AASDHPPT: variants seen among roughly 807,000 people sequenced by gnomAD.
The protein encoded by AASDHPPT is L-aminoadipate-semialdehyde dehydrogenase-phosphopantetheinyl transferase.
AASDHPPT carries 23 observed loss-of-function variants against 36.4 expected under a neutral mutation model. The ratio of observed to expected loss-of-function variants is 0.63; its 90% CI spans 0.45 to 0.89. The LOEUF (loss-of-function observed/expected upper bound fraction) is 0.89, where lower values mean the gene tolerates loss of function less well. Among genes scored for constraint, AASDHPPT ranks in the 40% least tolerant of loss-of-function variants. AASDHPPT has a pLI of 0.00. For synonymous variants in AASDHPPT, 115 were observed against 128.0 expected (o/e 0.90, Z 0.68); for missense variants, 377 against 378.2 (o/e 1.00, Z 0.03).
chr11:106,079,693 G>A lies in AASDHPPT; in HGVS notation c.409+1G>A, dbSNP rs1215068158. 6.2e-7 allele frequency: 1 copy of A among 1,613,392 alleles called. No homozygotes were observed. Among genetic ancestry groups the A allele is most frequent in the South Asian group, 1.1e-5 (1 of 91,018 alleles). ...GATATAATGAAGACTAGTTTTCCAGGTAACGTTGCATTTTTCTAGTATGGC... is the reference window on the plus strand; with the variant it reads ...GATATAATGAAGACTAGTTTTCCAGATAACGTTGCATTTTTCTAGTATGGC... On this transcript the variant is annotated splice_donor_variant, in intron 2 of 5. Coordinates refer to ENST00000278618, the MANE Select transcript of AASDHPPT (RefSeq NM_015423.3). LOFTEE classifies it high-confidence loss of function.
In AASDHPPT at chr11:106,090,673, A is replaced by C. The variant is rs1378337078; in HGVS notation, c.526A>C (p.Asn176His). The change falls in exon 3 of 6, where the codon AAT (asparagine) becomes CAT (histidine). Residue 176 changes from asparagine to histidine, a missense_variant. Asn to His is a moderately conservative substitution (Grantham distance 68). Transcript: ENST00000278618. Reference sequence around the variant, plus strand: ...GACTCAGCTGGATATGTTTTATAGGAATTGGGTATAATTCTTTCTAATTTT... The same window carrying C: ...GACTCAGCTGGATATGTTTTATAGGCATTGGGTATAATTCTTTCTAATTTT... ...EWTQLDMFYR[N>H]WALKESFIKA... The C allele has an allele frequency of 1.3e-6, 2 of 1,579,912 alleles. No homozygotes were observed. The highest frequency in any genetic ancestry group is 1.7e-6 in the Non-Finnish European group (2 of 1,166,224).
chr11:106,083,909 T>A (rs932346155), intron 2 of AASDHPPT, among the ~76,000 whole-genome samples: 4 of 152,130 alleles, frequency 2.6e-5, no homozygotes, highest in South Asian at 2.1e-4. Context: ...TATTTAAATT[T>A]AAAAAAATTA....
intron 5 of AASDHPPT, 94 bp downstream of exon 5, chr11:106,094,748 T>A (rs1299719050): frequency 4.4e-6 from 4 of 901,028 alleles, no homozygotes; most frequent in Admixed American, 3.1e-5. Flanking sequence ...CTTATATCAG[T>A]TTAGAGAGAT....
chr11:106,087,048 T>TA (rs1861205438), intron 2 of AASDHPPT, among the ~76,000 whole-genome samples: 1 of 152,212 alleles, frequency 6.6e-6, no homozygotes, highest in Admixed American at 6.5e-5. Context: ...TGTGTGTTAA[T>TA]ACCTATATGT....
intron 2 of AASDHPPT, among the ~76,000 whole-genome samples, chr11:106,083,375 C>G (rs1861163665): frequency 6.6e-6 from 1 of 152,156 alleles, no homozygotes; most frequent in African/African-American, 2.4e-5. Context: ...AGTAAAACTT[C>G]ATATATTTAA....
At position 106,098,332 on chromosome 11, in the gene AASDHPPT, C is replaced by G. The variant is rs941288432; in HGVS notation, c.*1425C>G. 3.3e-5 allele frequency: 5 copies of G among 151,986 alleles called. No individual in the cohort carries two copies. Among genetic ancestry groups the G allele is most frequent in the Non-Finnish European group, 7.4e-5 (5 of 67,974 alleles). 9.4% of individuals were successfully genotyped at this position (151,986 alleles called of 1,614,324 possible). On this transcript the variant is annotated 3_prime_UTR_variant, in exon 6 of 6. Transcript: ENST00000278618. ...AGTAGTACTTAATTTAAAGTGTGAACTTAATATATAAGATGCCAGGACCAT... is the reference window on the plus strand; with the variant it reads ...AGTAGTACTTAATTTAAAGTGTGAAGTTAATATATAAGATGCCAGGACCAT...
intron 1 of AASDHPPT, 22 bp downstream of exon 1, chr11:106,077,915 A>G: frequency 6.2e-7 from 1 of 1,610,306 alleles, no homozygotes. Context: ...CTTTTTTGGT[A>G]TTTAGAGCCT....
chr11:106,086,638 A>C (rs1292861242), intron 2 of AASDHPPT, among the ~76,000 whole-genome samples: 1 of 152,106 alleles, frequency 6.6e-6, no homozygotes, highest in Non-Finnish European at 1.5e-5. Flanking sequence ...TTAACTCTAA[A>C]TCTCATGTAA....
Position 106,079,565 on chromosome 11 carries a change from T to C in AASDHPPT, c.282T>C (p.Leu94=). The C allele has an allele frequency of 6.2e-7, 1 of 1,614,198 alleles. No individual in the cohort carries two copies. The highest frequency in any genetic ancestry group is 8.5e-7 in the Non-Finnish European group (1 of 1,180,024). The change falls in exon 2 of 6, where the codon CTT becomes CTC. Residue 94 remains leucine (L), a synonymous_variant. Transcript: ENST00000278618. The part of the protein sequence containing the change: ...LQRTAKGKPV[L]AKDSSNPYPN... ...GAACTGCAAAAGGAAAACCAGTTCT[T>C]GCAAAGGACTCATCGAATCCTTACC...
intron 4 of AASDHPPT, chr11:106,093,677 A>G (rs1861280147): frequency 6.6e-6 from 1 of 152,186 alleles, no homozygotes; most frequent in African/African-American, 2.4e-5. Context: ...CGTTTTATGG[A>G]AGAATGCTTT....
At chr11:106,079,897 A>G (rs112268794) in intron 2 of AASDHPPT, among the ~76,000 whole-genome samples, 14 of 152,340 alleles carry the variant, frequency 9.2e-5, no homozygotes, top group African/African-American at 3.4e-4. Context: ...ATAATAGATT[A>G]TCCGTTACTG....
At chr11:106,082,564 T>C (rs1436168695) in intron 2 of AASDHPPT, among the ~76,000 whole-genome samples, 1 of 152,216 alleles carries the variant, frequency 6.6e-6, no homozygotes, top group East Asian at 1.9e-4. Context: ...TGTCTTGTCC[T>C]ATAGGTAAGA....
intron 5 of AASDHPPT, 88 bp from the exon 6 acceptor site, chr11:106,096,655 G>A: frequency 1.9e-6 from 2 of 1,066,388 alleles, no homozygotes; most frequent in Non-Finnish European, 2.6e-6. Flanking sequence ...TGAAATGTAA[G>A]TTGGTCTTAC....
At chr11:106,079,417 G>A (rs1209523736) in intron 1 of AASDHPPT, 50 bp from the exon 2 acceptor site, 3 of 1,456,676 alleles carry the variant, frequency 2.1e-6, no homozygotes, top group Middle Eastern at 2.0e-4. Flanking sequence ...CAGTGTGCTT[G>A]TATCTTTAGT....
chr11:106,078,246 TTTTG>T (rs1184874414), intron 1 of AASDHPPT, among the ~76,000 whole-genome samples: 2 of 152,224 alleles, frequency 1.3e-5, no homozygotes, highest in African/African-American at 4.8e-5. Context: ...TGTTATTTTT[TTTTG>T]TTTGTGTGCG....
At position 106,091,383 on chromosome 11, in the gene AASDHPPT, T is replaced by A; in HGVS notation, c.599T>A (p.Phe200Tyr). ...GGATTTGAATTGCAGCGGCTTGAAT[T>A]TGATCTATCTCCATTAAACTTGGAT... The part of the protein sequence containing the change: ...GLGFELQRLE[F>Y]DLSPLNLDIG... The change falls in exon 4 of 6, where the codon TTT (phenylalanine) becomes TAT (tyrosine). Residue 200 changes from phenylalanine (F) to tyrosine (Y), a missense_variant. Transcript: ENST00000278618. The A allele has an allele frequency of 6.2e-7, 1 of 1,608,666 alleles. No individual in the cohort carries two copies. The highest frequency in any genetic ancestry group is 8.5e-7 in the Non-Finnish European group (1 of 1,177,748).
chr11:106,084,772 G>A (rs1372990468), intron 2 of AASDHPPT, among the ~76,000 whole-genome samples: 1 of 151,918 alleles, frequency 6.6e-6, no homozygotes, highest in Admixed American at 6.6e-5. Context: ...TGGGATTCCA[G>A]GCACCCGCCA....
chr11:106,082,398 A>G (rs1275339988), intron 2 of AASDHPPT, among the ~76,000 whole-genome samples: 3 of 152,140 alleles, frequency 2.0e-5, no homozygotes, highest in African/African-American at 7.2e-5. Flanking sequence ...ATTTTTCCTA[A>G]GAGTCTTGCT....
rs552884958 is a variant in AASDHPPT, at chr11:106,093,018, T to C, written c.693+1541T>C. Reference sequence around the variant, plus strand: ...GAGTCGTGGAGCATCTATACTAATATTCAAAGGTGAATTTGTGGAGGGGAC... The same window carrying C: ...GAGTCGTGGAGCATCTATACTAATACTCAAAGGTGAATTTGTGGAGGGGAC... On this transcript the variant is annotated intron_variant, in intron 4 of 5. Transcript: ENST00000278618. 3 of 152,230 alleles carry C rather than the reference T, an allele frequency of 2.0e-5. No homozygotes were observed. The East Asian group carries it at 5.8e-4, about 29-fold the overall frequency. 9.4% of individuals were successfully genotyped at this position (152,230 alleles called of 1,614,324 possible).
Sources: allele counts gnomAD v4.1 joint callset (sites outside exome capture counted in the v4.1 genomes callset), GRCh38; gene constraint gnomAD v4.1.1; transcripts MANE v1.5; gene names NCBI Gene and HGNC (gene_info 2026-07-23, HGNC 2026-07-21).